The following PLG variants were observed in gnomAD, a reference collection of about 807,000 sequenced individuals.
The protein encoded by PLG is plasminogen.
Under a neutral mutation model 104.4 loss-of-function variants are expected in PLG, and 41 were observed. The ratio of observed to expected loss-of-function variants is 0.39; its 90% confidence interval spans 0.31 to 0.51. The LOEUF (loss-of-function observed/expected upper bound fraction) is 0.51. Ranked by LOEUF, PLG falls within the 20% of genes least tolerant of loss-of-function variation. The pLI is 0.76. For synonymous variants in PLG, 337 were observed against 357.1 expected, an observed-to-expected ratio of 0.94 and a Z score of 0.63; for missense variants, 891 against 1,003.6, an observed-to-expected ratio of 0.89 and a Z score of 1.52.
At position 160,740,279 on chromosome 6, in the gene PLG, A is replaced by T. The variant is rs1433557504; in HGVS notation, c.2019-1032A>T. On this transcript the variant is annotated intron_variant, in intron 16 of 18. Coordinates refer to ENST00000308192, the MANE Select transcript of PLG (RefSeq NM_000301.5). The surrounding 1 kb of genome is among the most constrained non-coding windows in gnomAD (Gnocchi z 5.2). ...GCTCAGCCTTTATAAACAGTAGCTG[A>T]TCTCCCTCCTGCTCCCCAGTGTCCT... Among the ~76,000 whole-genome samples, 1 of 152,180 alleles carries T rather than the reference A, an allele frequency of 6.6e-6. No homozygotes were observed. The highest frequency in any genetic ancestry group is 1.5e-5 in the Non-Finnish European group (1 of 68,006).
chr6:160,722,648 C>A, intron 10 of PLG, 81 bp downstream of exon 10: 3 of 1,331,794 alleles, frequency 2.3e-6, no homozygotes, highest in Non-Finnish European at 3.2e-6. Context: ...ATGCTTCAAG[C>A]CAACTTCCTA....
chr6:160,737,047 C>G lies in PLG; in HGVS notation c.1802+40C>G. 1 of 1,609,992 alleles carries G rather than the reference C, an allele frequency of 6.2e-7. No homozygotes were observed. ...AGAAACGATTTATACTGTCCCTCCA[C>G]GTAAGCCCTGCAAAACCCTTCTACA... On this transcript the variant is annotated intron_variant, in intron 14 of 18. Transcript: ENST00000308192. This position sits in a 1 kb window ranked among gnomAD's most constrained non-coding sequence, Gnocchi z 4.7.
Position 160,723,873 on chromosome 6 carries a change from G to A in PLG, c.1256+1306G>A, listed in dbSNP as rs1777883710. Among the ~76,000 whole-genome samples the A allele has an allele frequency of 6.6e-6, 1 of 152,144 alleles. No individual in the cohort carries two copies. Among genetic ancestry groups the A allele is most frequent in the Admixed American group, 6.5e-5 (1 of 15,268 alleles). On this transcript the variant is annotated intron_variant, in intron 10 of 18. Coordinates refer to ENST00000308192, the MANE Select transcript of PLG (RefSeq NM_000301.5). This position sits in a 1 kb window ranked among gnomAD's most constrained non-coding sequence, Gnocchi z 4.7. Reference sequence around the variant, plus strand: ...GGGCATTCAGTAGTCACCACATAAAGCCAAACTTTGGGAGTAGGATTAGTG... The same window carrying A: ...GGGCATTCAGTAGTCACCACATAAAACCAAACTTTGGGAGTAGGATTAGTG...
intron 8 of PLG, 114 bp downstream of exon 8, chr6:160,718,570 T>C (rs1777782228): frequency 7.4e-7 from 1 of 1,347,682 alleles, no homozygotes; most frequent in Non-Finnish European, 1.1e-6. Context: ...GAAAAACTGA[T>C]CTAGTCATAA....
chr6:160,720,714 C>T (rs1777816462), intron 9 of PLG, among the ~76,000 whole-genome samples: 1 of 152,130 alleles, frequency 6.6e-6, no homozygotes, highest in Non-Finnish European at 1.5e-5. Flanking sequence ...CAACCGTGCC[C>T]AGCCTAGATT....
rs1424771403 is a variant in PLG at position 160,733,976 on chromosome 6, C to T, written c.1588-19C>T. Reference sequence around the variant, plus strand: ...CCTGCCCCACGTGAGCTGGAGCTTACATGCCTTCTTGTTTTCAGTACTGCC... The same window carrying T: ...CCTGCCCCACGTGAGCTGGAGCTTATATGCCTTCTTGTTTTCAGTACTGCC... On this transcript the variant is annotated intron_variant, in intron 12 of 18. Coordinates refer to ENST00000308192, the MANE Select transcript of PLG (RefSeq NM_000301.5). 2.8e-6 allele frequency: 4 copies of T among 1,430,098 alleles called. No homozygotes were observed. In the Admixed American group the frequency reaches 5.0e-5, roughly 18 times the overall value. 88.6% of individuals were successfully genotyped at this position (1,430,098 alleles called of 1,614,324 possible). A position where few individuals can be genotyped will look rare whatever the true frequency, so the allele number is the denominator to read the frequency against.
rs1778001302 is a variant in PLG at position 160,731,660 on chromosome 6, A to G, written c.1439-85A>G. On this transcript the variant is annotated intron_variant, in intron 11 of 18. Coordinates refer to ENST00000308192, the MANE Select transcript of PLG (RefSeq NM_000301.5). The surrounding 1 kb of genome is among the most constrained non-coding windows in gnomAD (Gnocchi z 5.1). ...ATGTGGCCCCTGATTCTGTCATCCT[A>G]GAGAAACCTGACATGACTGTATTGA... is the stretch of plus-strand genomic sequence containing the variant. 1 of 1,338,876 alleles carries G rather than the reference A, an allele frequency of 7.5e-7. No homozygotes were observed. The highest frequency in any genetic ancestry group is 1.4e-5 in the African/African-American group (1 of 69,666). The allele number at this position is 1,338,876 out of a possible 1,614,324, so 82.9% of individuals were successfully genotyped here. A position where few individuals can be genotyped will look rare whatever the true frequency, so the allele number is the denominator to read the frequency against.
At chr6:160,712,677 G>C (rs4252094) in intron 4 of PLG, among the ~76,000 whole-genome samples, 2,906 of 152,260 alleles carry the variant, frequency 0.019, 115 homozygotes, top group African/African-American at 0.067. Context: ...GACAAAAGCA[G>C]GTGTTTGGAA....
Position 160,752,161 on chromosome 6 carries a change from T to A in PLG, c.2172T>A (p.Ile724=), listed in dbSNP as rs1370695484. The A allele has an allele frequency of 3.7e-6, 6 of 1,610,642 alleles. No homozygotes were observed. Among genetic ancestry groups the A allele is most frequent in the Non-Finnish European group, 5.1e-6 (6 of 1,176,812 alleles). The part of the protein sequence containing the change: ...GLLKEAQLPV[I]ENKVCNRYEF... ...TCAAGGAAGCCCAGCTCCCTGTGAT[T>A]GAGAATAAAGTGTGCAATCGCTATG... The change falls in exon 18 of 19, where the codon ATT becomes ATA. Residue 724 remains isoleucine (I), a synonymous_variant. Transcript: ENST00000308192. This position sits in a 1 kb window ranked among gnomAD's most constrained non-coding sequence, Gnocchi z 4.7.
Position 160,737,413 on chromosome 6 carries a change from T to C in PLG, c.1802+406T>C, listed in dbSNP as rs147405339. ...TTGGGAGAGCAAGGACAAAATTATC[T>C]CCAGTCTATCACAGGCACAGATTCT... On this transcript the variant is annotated intron_variant, in intron 14 of 18. Transcript: ENST00000308192. The surrounding 1 kb of genome is among the most constrained non-coding windows in gnomAD (Gnocchi z 4.7). Among the ~76,000 whole-genome samples the C allele has an allele frequency of 9.0e-4, 137 of 152,304 alleles. 3 individuals are homozygous for C. In the East Asian group the frequency reaches 0.025, roughly 28 times the overall value.
In PLG at chr6:160,731,916, C is replaced by G. The variant is rs1554251671; in HGVS notation, c.1587+23C>G. On this transcript the variant is annotated intron_variant, in intron 12 of 18. Coordinates refer to ENST00000308192, the MANE Select transcript of PLG (RefSeq NM_000301.5). This position sits in a 1 kb window ranked among gnomAD's most constrained non-coding sequence, Gnocchi z 5.1. ...AATGTAAGCCACTTTGATTTGGACT[C>G]TTTGGCCTTTTGCTCACCAATCTTT... is the stretch of plus-strand genomic sequence containing the variant. 1.2e-6 allele frequency: 2 copies of G among 1,612,878 alleles called. No homozygotes were observed.
chr6:160,713,001 A>T lies in PLG; in HGVS notation c.423A>T (p.Thr141=). 1 of 1,610,526 alleles carries T rather than the reference A, an allele frequency of 6.2e-7. No homozygotes were observed. The highest frequency in any genetic ancestry group is 8.5e-7 in the Non-Finnish European group (1 of 1,178,520). Residue 141 remains threonine, a synonymous_variant, in exon 5 of 19, where the codon ACA becomes ACT. Transcript: ENST00000308192. ...SPHRPRFSPA[T]HPSEGLEENY... ...TCCTCCCCAGATTCTCACCTGCTACACACCCCTCAGAGGGACTGGAGGAGA... is the reference window on the plus strand; with the variant it reads ...TCCTCCCCAGATTCTCACCTGCTACTCACCCCTCAGAGGGACTGGAGGAGA...
rs1165504866 is a variant in PLG, at chr6:160,736,494, AGATGGT to A, written c.1682-382_1682-377del. Among the ~76,000 whole-genome samples the A allele has an allele frequency of 6.6e-6, 1 of 152,210 alleles. No homozygotes were observed. The highest frequency in any genetic ancestry group is 2.4e-5 in the African/African-American group (1 of 41,456). On this transcript the variant is annotated intron_variant, in intron 13 of 18. Coordinates refer to ENST00000308192, the MANE Select transcript of PLG (RefSeq NM_000301.5). The surrounding 1 kb of genome is among the most constrained non-coding windows in gnomAD (Gnocchi z 5.2). ...GTTTTCAGTAAACTTTACATGGTTT[AGATGGT>A]GATGGTGATGATGATGATTATGGGA... is the stretch of plus-strand genomic sequence containing the variant.
At position 160,739,508 on chromosome 6, in the gene PLG, C is replaced by T. The variant is rs4252156; in HGVS notation, c.2018+300C>T. On this transcript the variant is annotated intron_variant, in intron 16 of 18. Coordinates refer to ENST00000308192, the MANE Select transcript of PLG (RefSeq NM_000301.5). This position sits in a 1 kb window ranked among gnomAD's most constrained non-coding sequence, Gnocchi z 4.4. ...TTCATACACATTCATGATCAGAGAA[C>T]GATTCAGTTATTCCAGGCTGACAAT... is the stretch of plus-strand genomic sequence containing the variant. Among the ~76,000 whole-genome samples, 1,812 of 152,218 alleles carry T rather than the reference C, an allele frequency of 0.012. 34 individuals carry two copies. Among genetic ancestry groups the T allele is most frequent in the African/African-American group, 0.041 (1,707 of 41,538 alleles).
In PLG at chr6:160,717,074, C is replaced by T. The variant is rs1214654216; in HGVS notation, c.787+311C>T. On this transcript the variant is annotated intron_variant, in intron 7 of 18. Transcript: ENST00000308192. ...CTCTCTGTGCTAAAGGGAAATCAGA[C>T]CCATGCTCTCTGACACATGGATTTC... Among the ~76,000 whole-genome samples, 5 of 152,112 alleles carry T rather than the reference C, an allele frequency of 3.3e-5. No individual in the cohort carries two copies. In the East Asian group the frequency reaches 9.6e-4, roughly 29 times the overall value.
rs1777927507 is a variant in PLG, at chr6:160,726,683, C to T, written c.1256+4116C>T. Reference sequence around the variant, plus strand: ...GCTACATAATGTTTGATCACATTATCTCTCTGATGGCTAATAAAATGTGTG... The same window carrying T: ...GCTACATAATGTTTGATCACATTATTTCTCTGATGGCTAATAAAATGTGTG... On this transcript the variant is annotated intron_variant, in intron 10 of 18. Transcript: ENST00000308192. This position sits in a 1 kb window ranked among gnomAD's most constrained non-coding sequence, Gnocchi z 4.4. Among the ~76,000 whole-genome samples, 1 of 151,882 alleles carries T rather than the reference C, an allele frequency of 6.6e-6. No individual in the cohort carries two copies. Among genetic ancestry groups the T allele is most frequent in the Non-Finnish European group, 1.5e-5 (1 of 67,830 alleles).
At chr6:160,714,317 A>G (rs1777695172) in intron 5 of PLG, among the ~76,000 whole-genome samples, 1 of 152,230 alleles carries the variant, frequency 6.6e-6, no homozygotes, top group African/African-American at 2.4e-5. Flanking sequence ...CAAAAACTCC[A>G]GACTAAAACC....
chr6:160,732,414 C>T lies in PLG; in HGVS notation c.1587+521C>T, dbSNP rs913029648. On this transcript the variant is annotated intron_variant, in intron 12 of 18. Transcript: ENST00000308192. This position sits in a 1 kb window ranked among gnomAD's most constrained non-coding sequence, Gnocchi z 4.5. ...CCACTCTCACACCCATGCAGCATAACACTTCTCACACCAGATGTGGGGGGA... is the reference window on the plus strand; with the variant it reads ...CCACTCTCACACCCATGCAGCATAATACTTCTCACACCAGATGTGGGGGGA... 1.3e-5 allele frequency among the ~76,000 whole-genome samples: 2 copies of T among 152,148 alleles called. No homozygotes were observed. Among genetic ancestry groups the T allele is most frequent in the African/African-American group, 4.8e-5 (2 of 41,424 alleles).
At position 160,723,427 on chromosome 6, in the gene PLG, G is replaced by C. The variant is rs1473726246; in HGVS notation, c.1256+860G>C. ...GATAAACTGAGATAATTTAGAAAGG[G>C]AATCAAATGAGATCAACCCAATAAC... On this transcript the variant is annotated intron_variant, in intron 10 of 18. Transcript: ENST00000308192. The surrounding 1 kb of genome is among the most constrained non-coding windows in gnomAD (Gnocchi z 4.7). Among the ~76,000 whole-genome samples, 1 of 152,102 alleles carries C rather than the reference G, an allele frequency of 6.6e-6. No homozygotes were observed. Among genetic ancestry groups the C allele is most frequent in the Non-Finnish European group, 1.5e-5 (1 of 68,014 alleles).
Sources: gnomAD v4.1 joint callset for allele counts (sites outside exome capture counted in the v4.1 genomes callset) on GRCh38, gnomAD v4.1.1 for gene constraint, Gnocchi (gnomAD v3.1) non-coding constraint, MANE v1.5 for transcripts, NCBI Gene and HGNC (gene_info 2026-07-23, HGNC 2026-07-21) for gene names.